The following RNF19A variants were observed in gnomAD, a reference collection of about 807,000 sequenced individuals.
The protein encoded by RNF19A is ring finger protein 19A, RBR E3 ubiquitin protein ligase, also known as E3 ubiquitin-protein ligase RNF19A.
In RNF19A, 32 loss-of-function variants were observed where a neutral mutation model predicts 75.7. The ratio of observed to expected loss-of-function variants is 0.42; its 90% CI spans 0.32 to 0.57. The LOEUF (loss-of-function observed/expected upper bound fraction) is 0.57, where lower values mean the gene tolerates loss of function less well. Ranked by LOEUF, RNF19A falls within the 20% of genes least tolerant of loss-of-function variation. The pLI is 0.10. For synonymous variants in RNF19A, 335 were observed against 345.2 expected, an observed-to-expected ratio of 0.97 and a Z score of 0.33; for missense variants, 782 against 1,036.3, an observed-to-expected ratio of 0.75 and a Z score of 3.37.
In RNF19A at chr8:100,261,651, T is replaced by G. The variant is rs747098873; in HGVS notation, c.1573A>C (p.Ile525Leu). Residue 525 changes from isoleucine to leucine, a missense_variant, in exon 8 of 10, where the codon ATA (isoleucine) becomes CTA (leucine). By Grantham distance (5) the Ile-to-Leu change is conservative. Around this residue, in one of 7 missense-constraint regions of RNF19A, gnomAD observed 442 missense variants for 541.6 expected, o/e 0.82. Transcript: ENST00000341084. This position sits in a 1 kb window ranked among gnomAD's most constrained non-coding sequence, Gnocchi z 4.4. Reference sequence around the variant, plus strand: ...CTCAGGTTGTCTCGGATGGCTCCTATTCGATCCATGTGGCTTCCACTTGCA... The same window carrying G: ...CTCAGGTTGTCTCGGATGGCTCCTAGTCGATCCATGTGGCTTCCACTTGCA... Reference protein sequence around the residue: ...LSASGSHMDRIGAIRDNLSET... With the variant: ...LSASGSHMDRLGAIRDNLSET... The G allele has an allele frequency of 1.9e-6, 3 of 1,614,178 alleles. No homozygotes were observed. Among genetic ancestry groups the G allele is most frequent in the African/African-American group, 2.7e-5 (2 of 75,044 alleles).
intron 1 of RNF19A, among the ~76,000 whole-genome samples, chr8:100,305,461 C>T (rs1215829278): frequency 2.0e-5 from 3 of 152,298 alleles, no homozygotes; most frequent in East Asian, 1.9e-4. Flanking sequence ...AATAAAAGTA[C>T]GTAAAGTCAC....
intron 2 of RNF19A, among the ~76,000 whole-genome samples, chr8:100,279,830 A>AT (rs1241500172): frequency 6.6e-6 from 1 of 151,520 alleles, no homozygotes; most frequent in Non-Finnish European, 1.5e-5. Flanking sequence ...CCCAGCCTCA[A>AT]TTTTTTGTGT....
Position 100,276,833 on chromosome 8 carries a change from T to TA in RNF19A, c.675-1673dup, listed in dbSNP as rs879684263. On this transcript the variant is annotated intron_variant, in intron 2 of 9. Transcript: ENST00000341084. ...GGTGGATACACAAACTTAAACATGATAAAATACATATAACTAAATACACTG... is the reference window on the plus strand; with the variant it reads ...GGTGGATACACAAACTTAAACATGATAAAAATACATATAACTAAATACACTG... Among the ~76,000 whole-genome samples, 58 of 151,442 alleles carry TA rather than the reference T, an allele frequency of 3.8e-4. No homozygotes were observed. In the Middle Eastern group the frequency reaches 0.014, roughly 36 times the overall value.
intron 2 of RNF19A, among the ~76,000 whole-genome samples, chr8:100,276,576 A>C (rs2129734688): frequency 6.6e-6 from 1 of 151,866 alleles, no homozygotes; most frequent in South Asian, 2.1e-4. Context: ...ACATGGCAAA[A>C]CCCCATCTCT....
In RNF19A at chr8:100,264,322, G is replaced by A; in HGVS notation, c.1307-127C>T. On this transcript the variant is annotated intron_variant, in intron 6 of 9. Transcript: ENST00000341084. This position sits in a 1 kb window ranked among gnomAD's most constrained non-coding sequence, Gnocchi z 4.7. The stretch of plus-strand genomic sequence containing the variant: ...GCGCCAGGGTTCTGAAGAGTTGGCT[G>A]GAACATTTGCCAAAAGTAGATTTAC... 2 of 821,192 alleles carry A rather than the reference G, an allele frequency of 2.4e-6. No individual in the cohort carries two copies. The highest frequency in any genetic ancestry group is 3.7e-6 in the Non-Finnish European group (2 of 545,642). 50.9% of individuals were successfully genotyped at this position (821,192 alleles called of 1,614,324 possible).
chr8:100,262,357 G>A (rs1819758127), intron 7 of RNF19A, among the ~76,000 whole-genome samples: 1 of 152,180 alleles, frequency 6.6e-6, no homozygotes, highest in Non-Finnish European at 1.5e-5. Flanking sequence ...ATGATGTGAT[G>A]ACAGAAGGCC....
At chr8:100,282,948 T>G (rs1192391754) in intron 2 of RNF19A, among the ~76,000 whole-genome samples, 2 of 152,176 alleles carry the variant, frequency 1.3e-5, no homozygotes, top group Non-Finnish European at 2.9e-5. Context: ...AAGCCAATTA[T>G]AGTTGATCAC....
Position 100,324,785 on chromosome 8 carries a change from C to T in RNF19A, c.-243+11323G>A. Among the ~76,000 whole-genome samples, 1 of 152,060 alleles carries T rather than the reference C, an allele frequency of 6.6e-6. No individual in the cohort carries two copies. Among genetic ancestry groups the T allele is most frequent in the East Asian group, 1.9e-4 (1 of 5,200 alleles). On this transcript the variant is annotated intron_variant, in intron 1 of 3. Transcript: ENST00000519527. This position sits in a 1 kb window ranked among gnomAD's most constrained non-coding sequence, Gnocchi z 4.2. ...AAATTGATTAAAGGCATTGATCTATCTTTTTTCTTTCTTTCTCTTTCTTCT... is the reference window on the plus strand; with the variant it reads ...AAATTGATTAAAGGCATTGATCTATTTTTTTTCTTTCTTTCTCTTTCTTCT...
chr8:100,306,662 A>G lies in RNF19A; in HGVS notation c.-94+3205T>C, dbSNP rs540671248. Among the ~76,000 whole-genome samples the G allele has an allele frequency of 2.0e-5, 3 of 152,352 alleles. No homozygotes were observed. In the South Asian group the frequency reaches 6.2e-4, roughly 32 times the overall value. ...TGAAGTACACAAGTTTTAAACACCCAAAGTGATTTCACTGCCTGTTTGGTT... is the reference window on the plus strand; with the variant it reads ...TGAAGTACACAAGTTTTAAACACCCGAAGTGATTTCACTGCCTGTTTGGTT... On this transcript the variant is annotated intron_variant, in intron 1 of 9. Coordinates refer to ENST00000341084, the MANE Select transcript of RNF19A (RefSeq NM_183419.4).
chr8:100,318,207 C>T (rs377277282), intron 1 of RNF19A, among the ~76,000 whole-genome samples: 1 of 152,124 alleles, frequency 6.6e-6, no homozygotes, highest in Admixed American at 6.5e-5. Context: ...TTTATTATCC[C>T]CATTTGTTTT....
chr8:100,268,851 G>A lies in RNF19A; in HGVS notation c.1125C>T (p.Ile375=), dbSNP rs1190359884. ...GAATAGCAATGCCAGCTATTAAAGC[G>A]ATTCCGACAGGAGCACCAACCAGTG... The part of the protein sequence containing the change: ...LGTLVGAPVG[I]ALIAGIAIPA... The change falls in exon 5 of 10, where the codon ATC becomes ATT. Residue 375 remains isoleucine, a synonymous_variant. Transcript: ENST00000341084. 11 of 1,602,930 alleles carry A rather than the reference G, an allele frequency of 6.9e-6. No homozygotes were observed. The highest frequency in any genetic ancestry group is 5.4e-5 in the African/African-American group (4 of 74,436).
In RNF19A at chr8:100,268,358, A is replaced by C. The variant is rs565075375; in HGVS notation, c.1191+427T>G. 5.3e-5 allele frequency among the ~76,000 whole-genome samples: 8 copies of C among 152,300 alleles called. No homozygotes were observed. The East Asian group carries it at 1.5e-3, about 29-fold the overall frequency. On this transcript the variant is annotated intron_variant, in intron 5 of 9. Transcript: ENST00000341084. ...TATTAAAAGCAGTAATCCAAAAAAA[A>C]AGCTTTGAACTACAGCAGAAATAAT...
chr8:100,290,988 T>G (rs1375640014), intron 1 of RNF19A, among the ~76,000 whole-genome samples: 1 of 151,858 alleles, frequency 6.6e-6, no homozygotes, highest in Non-Finnish European at 1.5e-5. Context: ...TCCTTAGAGG[T>G]CAACCTCCTG....
At chr8:100,313,652 G>A (rs1822332926), upstream of RNF19A, among the ~76,000 whole-genome samples, 1 of 152,168 alleles carries the variant, frequency 6.6e-6, no homozygotes, top group Non-Finnish European at 1.5e-5. Context: ...CGTGACATCT[G>A]ATTTGTCTTT....
chr8:100,264,860 A>C lies in RNF19A; in HGVS notation c.1192-75T>G. On this transcript the variant is annotated intron_variant, in intron 5 of 9. Transcript: ENST00000341084. The surrounding 1 kb of genome is among the most constrained non-coding windows in gnomAD (Gnocchi z 4.7). The stretch of plus-strand genomic sequence containing the variant: ...AATTTAACTTAGTTGAAAAAGATCT[A>C]TACTTGCTAAAGTGATTTTTCATAG... The C allele has an allele frequency of 1.8e-6, 2 of 1,115,374 alleles. No individual in the cohort carries two copies. The highest frequency in any genetic ancestry group is 2.7e-6 in the Non-Finnish European group (2 of 742,154). 69.1% of individuals were successfully genotyped at this position (1,115,374 alleles called of 1,614,324 possible).
In RNF19A at chr8:100,259,839, C is replaced by G. The variant is rs1819629914; in HGVS notation, c.1826+15G>C. On this transcript the variant is annotated intron_variant, in intron 9 of 9. Transcript: ENST00000341084. This position sits in a 1 kb window ranked among gnomAD's most constrained non-coding sequence, Gnocchi z 4.5. ...TTAAAAAATACTTTCAATTTTTTAA[C>G]AGTTTTTTCCTTACTTGTCCAATGG... 1 of 1,593,534 alleles carries G rather than the reference C, an allele frequency of 6.3e-7. No individual in the cohort carries two copies. Among genetic ancestry groups the G allele is most frequent in the South Asian group, 1.1e-5 (1 of 88,406 alleles).
rs1418081517 is a variant in RNF19A, at chr8:100,332,203, G to A, written c.-243+3905C>T. On this transcript the variant is annotated intron_variant, in intron 1 of 3. Transcript: ENST00000519527. The surrounding 1 kb of genome is among the most constrained non-coding windows in gnomAD (Gnocchi z 4.8). ...ATTTGGTTTGGCTCTGTGTCCCCAT[G>A]TAAATCTTATCTTGAATTGTAATCC... is the stretch of plus-strand genomic sequence containing the variant. 6.6e-6 allele frequency among the ~76,000 whole-genome samples: 1 copy of A among 152,144 alleles called. No homozygotes were observed. Among genetic ancestry groups the A allele is most frequent in the Non-Finnish European group, 1.5e-5 (1 of 68,004 alleles).
intron 1 of RNF19A, among the ~76,000 whole-genome samples, chr8:100,308,566 G>T (rs1371646940): frequency 6.6e-6 from 1 of 152,022 alleles, no homozygotes; most frequent in East Asian, 1.9e-4. Context: ...TATTAAGACG[G>T]GTAATGGCAA....
rs2132480260 is a variant in RNF19A at position 100,260,049 on chromosome 8, G to A, written c.1683-52C>T. The A allele has an allele frequency of 6.8e-7, 1 of 1,463,404 alleles. No homozygotes were observed. Among genetic ancestry groups the A allele is most frequent in the Non-Finnish European group, 9.5e-7 (1 of 1,050,292 alleles). The allele number at this position is 1,463,404 out of a possible 1,614,324, so 90.7% of individuals were successfully genotyped here. A position where few individuals can be genotyped will look rare whatever the true frequency, so the allele number is the denominator to read the frequency against. On this transcript the variant is annotated intron_variant, in intron 8 of 9. Coordinates refer to ENST00000341084, the MANE Select transcript of RNF19A (RefSeq NM_183419.4). This position sits in a 1 kb window ranked among gnomAD's most constrained non-coding sequence, Gnocchi z 4.1. ...AATTATATTTAATATCAGCACTACT[G>A]TAATATGTATCTTTAAATAATTCAG...
Sources: allele counts gnomAD v4.1 joint callset (sites outside exome capture counted in the v4.1 genomes callset), GRCh38; gene constraint gnomAD v4.1.1; regional missense constraint gnomAD v4.1.1; non-coding constraint Gnocchi (gnomAD v3.1); transcripts MANE v1.5; gene names NCBI Gene and HGNC (gene_info 2026-07-23, HGNC 2026-07-21).